The following GAS7 variants were observed in gnomAD, a reference collection of about 807,000 sequenced individuals.
GAS7 encodes growth arrest specific 7.
A neutral mutation model predicts 71.1 loss-of-function variants in GAS7; 28 were observed. That is an observed-to-expected ratio of 0.39 (90% CI 0.29 to 0.54). The LOEUF is 0.54. Ranked by LOEUF, GAS7 falls within the 20% of genes least tolerant of loss-of-function variation. GAS7 has a pLI of 0.62. For missense variants in GAS7, 436 were observed against 627.8 expected, an observed-to-expected ratio of 0.69 and a Z score of 3.27; for synonymous variants, 258 against 245.8, an observed-to-expected ratio of 1.05 and a Z score of -0.46.
At chr17:10,036,454 T>A in intron 1 of GAS7, 1 of 1,613,514 alleles carries the variant, frequency 6.2e-7, no homozygotes, top group Non-Finnish European at 8.5e-7. Flanking sequence ...CAGCTAACCT[T>A]CTCTGGGGGC....
At chr17:10,013,338 A>C (rs925337624) in intron 2 of GAS7, among the ~76,000 whole-genome samples, 7 of 152,216 alleles carry the variant, frequency 4.6e-5, no homozygotes, top group Non-Finnish European at 8.8e-5. Flanking sequence ...GCACAGACTA[A>C]GACAGTCTCC....
intron 1 of GAS7, among the ~76,000 whole-genome samples, chr17:10,107,032 G>A (rs530229417): frequency 6.6e-6 from 1 of 152,278 alleles, no homozygotes; most frequent in Admixed American, 6.5e-5. Context: ...GTGGAAACAG[G>A]CGCCAAGGAA....
At chr17:9,993,487 T>C (rs1051867941) in intron 2 of GAS7, among the ~76,000 whole-genome samples, 5 of 152,230 alleles carry the variant, frequency 3.3e-5, no homozygotes, top group Non-Finnish European at 7.3e-5. Flanking sequence ...CAACCCTTCA[T>C]GCTAGAAACC....
intron 5 of GAS7, among the ~76,000 whole-genome samples, chr17:9,956,970 G>A (rs1245875702): frequency 6.6e-6 from 1 of 152,192 alleles, no homozygotes; most frequent in Admixed American, 6.5e-5. Flanking sequence ...AAGGGAAAAG[G>A]CACCAAGGCC....
At chr17:9,927,492 C>T (rs59776559) in intron 9 of GAS7, among the ~76,000 whole-genome samples, 6 of 149,628 alleles carry the variant, frequency 4.0e-5, no homozygotes, top group African/African-American at 1.5e-4. Context: ...AAAAAAAAAA[C>T]AAAACAAACA....
At chr17:9,999,166 G>A (rs770607982) in intron 2 of GAS7, among the ~76,000 whole-genome samples, 7 of 152,046 alleles carry the variant, frequency 4.6e-5, no homozygotes, top group Admixed American at 2.0e-4. Context: ...TCAATTGCTC[G>A]CATAACTAAT....
rs1450283884 is a variant in GAS7, at chr17:9,914,512, C to G, written c.*2716G>C. On this transcript the variant is annotated 3_prime_UTR_variant, in exon 14 of 14. Coordinates refer to ENST00000432992, the MANE Select transcript of GAS7 (RefSeq NM_201433.2). Reference sequence around the variant, plus strand: ...AAGAGCTGGGATTACAGGCGTGAGCCACCGTGCCCGACCCTTATTTGTAAA... The same window carrying G: ...AAGAGCTGGGATTACAGGCGTGAGCGACCGTGCCCGACCCTTATTTGTAAA... The G allele has an allele frequency of 5.4e-6, 1 of 184,992 alleles. No homozygotes were observed. Among genetic ancestry groups the G allele is most frequent in the Non-Finnish European group, 1.1e-5 (1 of 87,476 alleles). The allele number at this position is 184,992 out of a possible 1,614,324, so 11.5% of individuals were successfully genotyped here. A position where few individuals can be genotyped will look rare whatever the true frequency, so the allele number is the denominator to read the frequency against.
At chr17:10,050,643 C>T (rs1027179616) in intron 1 of GAS7, among the ~76,000 whole-genome samples, 1 of 152,208 alleles carries the variant, frequency 6.6e-6, no homozygotes, top group African/African-American at 2.4e-5. Flanking sequence ...AGGCCCAGCT[C>T]TCTTCTCCTG....
At chr17:10,017,580 C>T (rs1361518553) in intron 2 of GAS7, among the ~76,000 whole-genome samples, 4 of 152,172 alleles carry the variant, frequency 2.6e-5, no homozygotes, top group East Asian at 1.9e-4. Context: ...CCACCTGCCT[C>T]GGCCTCCCAA....
intron 1 of GAS7, among the ~76,000 whole-genome samples, chr17:10,053,100 G>A (rs2073085198): frequency 6.6e-6 from 1 of 152,184 alleles, no homozygotes; most frequent in Non-Finnish European, 1.5e-5. Context: ...CAAGGTGGAG[G>A]AAGAGAGGGA....
chr17:10,105,652 G>A (rs2073749681), intron 1 of GAS7, among the ~76,000 whole-genome samples: 1 of 152,126 alleles, frequency 6.6e-6, no homozygotes, highest in Admixed American at 6.5e-5. Flanking sequence ...AAGCGTCACC[G>A]CTCCAGAGAG....
chr17:10,107,955 A>G (rs1455414805), intron 1 of GAS7, among the ~76,000 whole-genome samples: 1 of 146,154 alleles, frequency 6.8e-6, no homozygotes, highest in Non-Finnish European at 1.5e-5. Context: ...GTCCAGTGGG[A>G]GCTGGGCAGG....
At chr17:10,074,696 A>G (rs1051643342) in intron 1 of GAS7, among the ~76,000 whole-genome samples, 1 of 152,210 alleles carries the variant, frequency 6.6e-6, no homozygotes, top group African/African-American at 2.4e-5. Context: ...GGTTTTACTG[A>G]TAAGTTTTCT....
chr17:10,041,161 A>C (rs78663882), intron 1 of GAS7, among the ~76,000 whole-genome samples: 45 of 149,188 alleles, frequency 3.0e-4, no homozygotes, highest in African/African-American at 1.1e-3. Flanking sequence ...GACTGCCTAA[A>C]AAAAAAAAAA....
chr17:10,130,334 A>C (rs1357896364), intron 1 of GAS7, among the ~76,000 whole-genome samples: 3 of 151,792 alleles, frequency 2.0e-5, no homozygotes, highest in South Asian at 2.1e-4. Context: ...TGATTTAAAA[A>C]AAAAAAAAAA....
chr17:10,006,754 T>G (rs1430663148), intron 2 of GAS7, among the ~76,000 whole-genome samples: 1 of 152,192 alleles, frequency 6.6e-6, no homozygotes, highest in African/African-American at 2.4e-5. Context: ...TTTGAAATTA[T>G]AAGACCTGCC....
At chr17:10,170,333 T>A (rs2074327086) in intron 1 of GAS7, among the ~76,000 whole-genome samples, 1 of 151,018 alleles carries the variant, frequency 6.6e-6, no homozygotes, top group Non-Finnish European at 1.5e-5. Context: ...CTCAGTCTGG[T>A]CACCTCTCTG....
At chr17:10,085,710 G>A (rs113759345) in intron 1 of GAS7, among the ~76,000 whole-genome samples, 63,105 of 115,870 alleles carry the variant, frequency 0.54, 18,166 homozygotes, top group Non-Finnish European at 0.6. Flanking sequence ...AAAAAAAAAA[G>A]AAAGAAAGAA....
At chr17:10,057,065 T>G (rs538033987) in intron 1 of GAS7, among the ~76,000 whole-genome samples, 14 of 152,240 alleles carry the variant, frequency 9.2e-5, no homozygotes, top group East Asian at 3.9e-4. Context: ...CGAGGTGCCG[T>G]GATTGCAGAC....
Sources: allele counts gnomAD v4.1 joint callset (sites outside exome capture counted in the v4.1 genomes callset), GRCh38; gene constraint gnomAD v4.1.1; transcripts MANE v1.5; gene names NCBI Gene and HGNC (gene_info 2026-07-23, HGNC 2026-07-21).